Variants in DLAT observed in about 807,000 individuals in gnomAD.
The protein encoded by DLAT is dihydrolipoamide S-acetyltransferase, also known as dihydrolipoyllysine-residue acetyltransferase component of pyruvate dehydrogenase complex, mitochondrial.
In DLAT, 43 loss-of-function variants were observed where a neutral mutation model predicts 68.0. The observed-to-expected ratio is 0.63, with a 90% confidence interval of 0.50 to 0.81. The LOEUF (loss-of-function observed/expected upper bound fraction) is 0.81, where lower values mean the gene tolerates loss of function less well. Ranked by LOEUF, DLAT falls within the 40% of genes least tolerant of loss-of-function variation. The pLI, the probability that DLAT is intolerant of heterozygous loss-of-function variation, is 0.00. For missense variants in DLAT, 745 were observed against 815.4 expected (o/e 0.91, Z 1.05); for synonymous variants, 265 against 288.6 (o/e 0.92, Z 0.83).
chr11:112,055,844 G>A (rs1864002154), intron 11 of DLAT, among the ~76,000 whole-genome samples: 1 of 87,260 alleles, frequency 1.1e-5, no homozygotes, highest in African/African-American at 4.3e-5. Context: ...CCAGCATATA[G>A]ACACTTTTTT....
rs782488131 is a variant in DLAT at position 112,028,954 on chromosome 11, C to G, written c.660+9C>G. On this transcript the variant is annotated intron_variant, in intron 4 of 13. Coordinates refer to ENST00000280346, the MANE Select transcript of DLAT (RefSeq NM_001931.5). ...ATCCCCCTCACATGCAGGTGAGGCTCAGCCTCTGAGTTTTTGCTCTAGGTG... is the reference window on the plus strand; with the variant it reads ...ATCCCCCTCACATGCAGGTGAGGCTGAGCCTCTGAGTTTTTGCTCTAGGTG... 5.6e-6 allele frequency: 9 copies of G among 1,614,030 alleles called. No homozygotes were observed. In the South Asian group the frequency reaches 9.9e-5, roughly 18 times the overall value.
chr11:112,034,706 C>T (rs868975101), intron 5 of DLAT, among the ~76,000 whole-genome samples: 40 of 151,332 alleles, frequency 2.6e-4, no homozygotes, highest in East Asian at 7.8e-4. Context: ...CCTCCCAAAG[C>T]GCTGGGATTA....
chr11:112,052,854 G>A (rs914321161), intron 11 of DLAT, among the ~76,000 whole-genome samples: 6 of 151,738 alleles, frequency 4.0e-5, no homozygotes, highest in Non-Finnish European at 8.8e-5. Context: ...GCGCCATCCC[G>A]AGGTTACTTA....
Position 112,045,545 on chromosome 11 carries a change from G to A in DLAT, c.1290+315G>A, listed in dbSNP as rs112772944. Reference sequence around the variant, plus strand: ...TCTACTAAAGATACAAAAATTAGCCGGGCATGGTGGCACATGCCTGTAGTC... The same window carrying A: ...TCTACTAAAGATACAAAAATTAGCCAGGCATGGTGGCACATGCCTGTAGTC... On this transcript the variant is annotated intron_variant, in intron 9 of 13. Transcript: ENST00000280346. Among the ~76,000 whole-genome samples the A allele has an allele frequency of 0.025, 3,789 of 152,084 alleles. 164 individuals are homozygous for A. Among genetic ancestry groups the A allele is most frequent in the African/African-American group, 0.087 (3,590 of 41,472 alleles).
At position 112,062,413 on chromosome 11, in the gene DLAT, G is replaced by A. The variant is rs1410681269; in HGVS notation, c.1822G>A (p.Val608Met). 6.2e-7 allele frequency: 1 copy of A among 1,612,354 alleles called. No homozygotes were observed. The highest frequency in any genetic ancestry group is 1.3e-5 in the African/African-American group (1 of 74,850). ...VPADNEKGFD[V>M]ASMMSVTLSC... Reference sequence around the variant, plus strand: ...GTCTTTATCTTTTTCTAGGTTTGATGTGGCTAGCATGATGTCTGTTACACT... The same window carrying A: ...GTCTTTATCTTTTTCTAGGTTTGATATGGCTAGCATGATGTCTGTTACACT... The change falls in exon 14 of 14, where the codon GTG (valine) becomes ATG (methionine). Residue 608 changes from valine (V) to methionine (M), a missense_variant. Transcript: ENST00000280346.
Position 112,037,452 on chromosome 11 carries a change from C to T in DLAT, c.967C>T (p.Pro323Ser), listed in dbSNP as rs1862833366. Residue 323 changes from proline to serine, a missense_variant, in exon 6 of 14, where the codon CCA becomes TCA. Coordinates refer to ENST00000280346, the MANE Select transcript of DLAT (RefSeq NM_001931.5). ...DLKPQVPPPT[P>S]PPVAAVPPTP... ...AAAACCACAAGTGCCACCACCTACC[C>T]CACCCCCGGTAGGTATGCTTCTAGA... 6.2e-7 allele frequency: 1 copy of T among 1,613,714 alleles called. No individual in the cohort carries two copies. The highest frequency in any genetic ancestry group is 8.5e-7 in the Non-Finnish European group (1 of 1,179,732).
intron 13 of DLAT, chr11:112,061,572 G>GTT (rs587621837): frequency 4.1e-5 from 8 of 195,172 alleles, no homozygotes; most frequent in African/African-American, 1.9e-4. Flanking sequence ...GAGTATCAGT[G>GTT]TTTTTTTTGT....
intron 8 of DLAT, among the ~76,000 whole-genome samples, chr11:112,044,452 G>A (rs587713248): frequency 1.9e-4 from 29 of 152,250 alleles, no homozygotes; most frequent in African/African-American, 5.1e-4. Flanking sequence ...TGAGGCTCAA[G>A]TGAGCCTCCC....
chr11:112,046,756 G>A (rs1296564390), intron 10 of DLAT, among the ~76,000 whole-genome samples: 2 of 152,088 alleles, frequency 1.3e-5, no homozygotes, highest in African/African-American at 4.8e-5. Flanking sequence ...TGAGAATGAT[G>A]GTTTCCAGCT....
chr11:112,064,231 AAAT>A lies in DLAT; in HGVS notation c.*1699_*1701del, dbSNP rs1417365755. ...GTGGTTCTGTTGTTCCCTTGAAAAA[AAAT>A]AAAAACAGTTGCCTTCTAATAAACA... On this transcript the variant is annotated 3_prime_UTR_variant, in exon 14 of 14. Coordinates refer to ENST00000280346, the MANE Select transcript of DLAT (RefSeq NM_001931.5). The A allele has an allele frequency of 3.2e-6, 5 of 1,553,738 alleles. No individual in the cohort carries two copies. Among genetic ancestry groups the A allele is most frequent in the Non-Finnish European group, 4.3e-6 (5 of 1,152,452 alleles).
At chr11:112,047,790 T>C (rs1253581290) in intron 10 of DLAT, among the ~76,000 whole-genome samples, 1 of 152,228 alleles carries the variant, frequency 6.6e-6, no homozygotes, top group African/African-American at 2.4e-5. Context: ...TGTGGCATTA[T>C]GTCTGAGGCT....
At chr11:112,027,700 C>A (rs1430315334) in intron 2 of DLAT, among the ~76,000 whole-genome samples, 1 of 152,224 alleles carries the variant, frequency 6.6e-6, no homozygotes, top group African/African-American at 2.4e-5. Context: ...GAGCTGGAGA[C>A]CAGCCCGGCC....
chr11:112,055,646 A>C (rs112851316), intron 11 of DLAT, among the ~76,000 whole-genome samples: 32 of 151,880 alleles, frequency 2.1e-4, no homozygotes, highest in African/African-American at 6.3e-4. Flanking sequence ...TCCTTCTAGG[A>C]TGCTGTTTGG....
chr11:112,037,607 A>C, intron 6 of DLAT, 147 bp downstream of exon 6: 1 of 868,070 alleles, frequency 1.2e-6, no homozygotes, highest in Non-Finnish European at 1.9e-6. Context: ...GTGGAGACCT[A>C]TAGTGTTTGT....
rs55866523 is a variant in DLAT, at chr11:112,031,885, GTTTTTTTTTTTT to G, written c.661-1500_661-1489del. Among the ~76,000 whole-genome samples the G allele has an allele frequency of 9.7e-3, 440 of 45,394 alleles. 2 individuals carry two copies. Among genetic ancestry groups the G allele is most frequent in the African/African-American group, 0.038 (416 of 10,932 alleles). The allele number at this position is 45,394 out of a possible 152,430, so 29.8% of individuals were successfully genotyped here. On this transcript the variant is annotated intron_variant, in intron 4 of 13. Coordinates refer to ENST00000280346, the MANE Select transcript of DLAT (RefSeq NM_001931.5). Reference sequence around the variant, plus strand: ...ATGAGCCACCATGCTGGTCTTTCCTGTTTTTTTTTTTTTTTTTTTTTTTTTTTTTTGAGACAG... The same window carrying G: ...ATGAGCCACCATGCTGGTCTTTCCTGTTTTTTTTTTTTTTTTTTGAGACAG...
chr11:112,045,763 T>G lies in DLAT; in HGVS notation c.1291-100T>G. The G allele has an allele frequency of 5.5e-6, 4 of 722,792 alleles. No individual in the cohort carries two copies. The South Asian group carries it at 6.3e-5, about 11-fold the overall frequency. The allele number at this position is 722,792 out of a possible 1,614,324, so 44.8% of individuals were successfully genotyped here. ...CTTTCAATTATAATAATGCTTGAGG[T>G]AAGTATTAGCAGAGAGTAAGGTGAA... is the stretch of plus-strand genomic sequence containing the variant. On this transcript the variant is annotated intron_variant, in intron 9 of 13. Coordinates refer to ENST00000280346, the MANE Select transcript of DLAT (RefSeq NM_001931.5).
In DLAT at chr11:112,028,849, C is replaced by G. The variant is rs782453317; in HGVS notation, c.564C>G (p.Thr188=). The change falls in exon 4 of 14, where the codon ACC becomes ACG. Residue 188 remains threonine, a synonymous_variant. Coordinates refer to ENST00000280346, the MANE Select transcript of DLAT (RefSeq NM_001931.5). Reference sequence around the variant, plus strand: ...CACTGGATTCCTCAGCAGCACCTACCCCACAAGCGGCCCCAGCACCAACCC... The same window carrying G: ...CACTGGATTCCTCAGCAGCACCTACGCCACAAGCGGCCCCAGCACCAACCC... ...NYTLDSSAAP[T]PQAAPAPTPA... 1 of 1,614,170 alleles carries G rather than the reference C, an allele frequency of 6.2e-7. No homozygotes were observed. Among genetic ancestry groups the G allele is most frequent in the Admixed American group, 1.7e-5 (1 of 60,010 alleles).
chr11:112,052,248 A>G (rs587603363), intron 11 of DLAT, among the ~76,000 whole-genome samples: 54 of 152,296 alleles, frequency 3.5e-4, no homozygotes, highest in Admixed American at 1.2e-3. Flanking sequence ...CCACACACCA[A>G]CCAAACAATT....
chr11:112,053,548 G>T (rs1229654014), intron 11 of DLAT, among the ~76,000 whole-genome samples: 2 of 152,030 alleles, frequency 1.3e-5, no homozygotes, highest in Admixed American at 1.3e-4. Flanking sequence ...CGCCTCCCGA[G>T]TTCAAGCAAT....
Sources: gnomAD v4.1 joint callset for allele counts (sites outside exome capture counted in the v4.1 genomes callset) on GRCh38, gnomAD v4.1.1 for gene constraint, MANE v1.5 for transcripts, NCBI Gene and HGNC (gene_info 2026-07-23, HGNC 2026-07-21) for gene names.